CDK5RAP2: variants seen among roughly 807,000 people sequenced by gnomAD.
CDK5RAP2 encodes CDK5 regulatory subunit-associated protein 2.
A neutral mutation model predicts 232.9 loss-of-function variants in CDK5RAP2; 147 were observed. The observed-to-expected ratio is 0.63, with a 90% CI of 0.55 to 0.72. The LOEUF (loss-of-function observed/expected upper bound fraction) is 0.72, where lower values mean the gene tolerates loss of function less well. Among genes scored for constraint, CDK5RAP2 ranks in the 30% least tolerant of loss-of-function variants. The pLI, the probability that CDK5RAP2 is intolerant of heterozygous loss-of-function variation, is 0.00. For missense variants in CDK5RAP2, 2,195 were observed against 2,231.5 expected, an observed-to-expected ratio of 0.98 and a Z score of 0.33; for synonymous variants, 833 against 833.7, an observed-to-expected ratio of 1.00 and a Z score of 0.01.
chr9:120,504,747 C>T (rs2039731041), intron 12 of CDK5RAP2, among the ~76,000 whole-genome samples: 1 of 152,234 alleles, frequency 6.6e-6, no homozygotes, highest in Non-Finnish European at 1.5e-5. Context: ...GCTTTATCTG[C>T]AACCAGTCCC....
chr9:120,525,066 TA>T lies in CDK5RAP2; in HGVS notation c.1011del (p.Asn338ThrfsTer71). 1.2e-6 allele frequency: 2 copies of T among 1,613,724 alleles called. No homozygotes were observed. The highest frequency in any genetic ancestry group is 1.7e-6 in the Non-Finnish European group (2 of 1,179,662). ...LKSKEKKVEELNSEIEKLSAA... is the reference protein window; with the variant it reads ...LKSKEKKVEEXNSEIEKLSAA... The stretch of plus-strand genomic sequence containing the variant: ...GCACTGAGCTTTTCAATTTCAGAGT[TA>T]AGTTCTTCAACCTGGGGAAAAATAA... On this transcript the variant is annotated frameshift_variant, in exon 11 of 38. Coordinates refer to ENST00000349780, the MANE Select transcript of CDK5RAP2 (RefSeq NM_018249.6). LOFTEE classifies it high-confidence loss of function.
chr9:120,441,037 G>A (rs1287411049), intron 23 of CDK5RAP2, among the ~76,000 whole-genome samples: 1 of 152,208 alleles, frequency 6.6e-6, no homozygotes, highest in Non-Finnish European at 1.5e-5. Context: ...GAAAGAATAT[G>A]AAGTTTGAAG....
chr9:120,566,225 T>C (rs538113555), intron 3 of CDK5RAP2, among the ~76,000 whole-genome samples: 117 of 152,334 alleles, frequency 7.7e-4, no homozygotes, highest in African/African-American at 2.8e-3. Context: ...AGATCATGCA[T>C]TTTGTAACTC....
chr9:120,469,989 C>G, intron 17 of CDK5RAP2, 122 bp downstream of exon 17: 1 of 638,274 alleles, frequency 1.6e-6, no homozygotes. Flanking sequence ...CACAACAAGG[C>G]AGAGGGGACA....
chr9:120,539,542 A>G (rs376008611), intron 5 of CDK5RAP2, among the ~76,000 whole-genome samples: 10 of 152,374 alleles, frequency 6.6e-5, no homozygotes, highest in African/African-American at 2.4e-4. Flanking sequence ...CAATGTATGA[A>G]ATGTACTATA....
chr9:120,446,383 T>C (rs1345532542), intron 22 of CDK5RAP2, among the ~76,000 whole-genome samples: 2 of 152,124 alleles, frequency 1.3e-5, no homozygotes, highest in African/African-American at 4.8e-5. Flanking sequence ...CGCGCCACCA[T>C]GCCTGGCTAA....
intron 5 of CDK5RAP2, among the ~76,000 whole-genome samples, chr9:120,544,916 A>G (rs956299008): frequency 1.3e-5 from 2 of 152,232 alleles, no homozygotes; most frequent in African/African-American, 4.8e-5. Flanking sequence ...GGCAGATGTT[A>G]GACTCGAAAT....
At chr9:120,562,415 C>T (rs918553666) in intron 3 of CDK5RAP2, among the ~76,000 whole-genome samples, 2 of 152,152 alleles carry the variant, frequency 1.3e-5, no homozygotes, top group African/African-American at 4.8e-5. Flanking sequence ...AACACTTTTA[C>T]CCCAACAGCC....
intron 5 of CDK5RAP2, among the ~76,000 whole-genome samples, chr9:120,543,585 G>A (rs1421505713): frequency 6.6e-6 from 1 of 152,108 alleles, no homozygotes; most frequent in Non-Finnish European, 1.5e-5. Context: ...CTGGCTGGGT[G>A]CAGCGGCTCA....
chr9:120,574,857 CA>C (rs1277282671), intron 1 of CDK5RAP2, among the ~76,000 whole-genome samples: 1 of 142,414 alleles, frequency 7.0e-6, no homozygotes. Flanking sequence ...AAACAAAGAC[CA>C]AAAAGTTAAT....
intron 12 of CDK5RAP2, among the ~76,000 whole-genome samples, chr9:120,494,524 G>GAA (rs1189086828): frequency 3.9e-5 from 6 of 152,028 alleles, no homozygotes; most frequent in African/African-American, 1.4e-4. Context: ...GGGTCAATCT[G>GAA]AACAATAAAA....
At chr9:120,518,203 GTGTGTGT>G (rs2040435677) in intron 12 of CDK5RAP2, among the ~76,000 whole-genome samples, 3 of 107,086 alleles carry the variant, frequency 2.8e-5, no homozygotes, top group African/African-American at 1.2e-4. Flanking sequence ...GTGTGTGTGT[GTGTGTGT>G]GAGAGAGAGA....
chr9:120,430,059 T>G (rs1229240992), intron 25 of CDK5RAP2, among the ~76,000 whole-genome samples: 2 of 152,210 alleles, frequency 1.3e-5, no homozygotes, highest in African/African-American at 4.8e-5. Context: ...GCTAGCCATA[T>G]GTAGAAAGCT....
intron 6 of CDK5RAP2, among the ~76,000 whole-genome samples, chr9:120,538,386 G>C (rs1472986193): frequency 6.6e-6 from 1 of 152,134 alleles, no homozygotes. Context: ...CTTAATACTA[G>C]CTTAAAATAG....
chr9:120,503,861 CCCA>C (rs2039688796), intron 12 of CDK5RAP2, among the ~76,000 whole-genome samples: 1 of 152,124 alleles, frequency 6.6e-6, no homozygotes, highest in Admixed American at 6.5e-5. Flanking sequence ...CCACCACCAC[CCCA>C]CAACAAGGTT....
In CDK5RAP2 at chr9:120,477,406, T is replaced by G; in HGVS notation, c.1671A>C (p.Leu557Phe). 1.9e-6 allele frequency: 3 copies of G among 1,614,022 alleles called. No individual in the cohort carries two copies. The highest frequency in any genetic ancestry group is 2.5e-6 in the Non-Finnish European group (3 of 1,179,932). ...SSDYEELIQVLKKEQDIYTHL... is the reference protein window; with the variant it reads ...SSDYEELIQVFKKEQDIYTHL... ...GGGTATAGATGTCCTGCTCTTTCTTTAAGACCTGAATCAGCTCTTCATAGT... is the reference window on the plus strand; with the variant it reads ...GGGTATAGATGTCCTGCTCTTTCTTGAAGACCTGAATCAGCTCTTCATAGT... The change falls in exon 15 of 38, where the codon TTA becomes TTC. Residue 557 changes from leucine (L) to phenylalanine (F), a missense_variant. By Grantham distance (22) the Leu-to-Phe change is conservative. Coordinates refer to ENST00000349780, the MANE Select transcript of CDK5RAP2 (RefSeq NM_018249.6).
intron 4 of CDK5RAP2, among the ~76,000 whole-genome samples, chr9:120,548,585 T>C (rs894784245): frequency 6.6e-6 from 1 of 152,180 alleles, no homozygotes; most frequent in East Asian, 1.9e-4. Flanking sequence ...GGCAGGAGGA[T>C]GGTTTGAGGC....
At chr9:120,576,217 G>A (rs1313638332) in intron 1 of CDK5RAP2, among the ~76,000 whole-genome samples, 1 of 152,158 alleles carries the variant, frequency 6.6e-6, no homozygotes, top group Non-Finnish European at 1.5e-5. Flanking sequence ...TCCTTATAAG[G>A]TCCCATATGC....
chr9:120,484,103 T>A (rs538383321), intron 14 of CDK5RAP2, among the ~76,000 whole-genome samples: 57 of 152,334 alleles, frequency 3.7e-4, no homozygotes, highest in African/African-American at 1.3e-3. Context: ...TAGCATTGAT[T>A]CTCAGGATCA....
Sources: gnomAD v4.1 joint callset for allele counts (sites outside exome capture counted in the v4.1 genomes callset) on GRCh38, gnomAD v4.1.1 for gene constraint, MANE v1.5 for transcripts, NCBI Gene and HGNC (gene_info 2026-07-23, HGNC 2026-07-21) for gene names.